The following SLIT1 variants were observed in gnomAD, a reference collection of about 807,000 sequenced individuals.
SLIT1 encodes the protein slit homolog 1 protein.
In SLIT1, 66 loss-of-function variants were observed where a neutral mutation model predicts 186.1. The ratio of observed to expected loss-of-function variants is 0.35; its 90% CI spans 0.29 to 0.44. The LOEUF (loss-of-function observed/expected upper bound fraction) is 0.44, where lower values mean the gene tolerates loss of function less well. Ranked by LOEUF, SLIT1 falls within the 20% of genes least tolerant of loss-of-function variation. The pLI, the probability that SLIT1 is intolerant of heterozygous loss-of-function variation, is 1.00. For synonymous variants in SLIT1, 761 were observed against 833.8 expected, an observed-to-expected ratio of 0.91 and a Z score of 1.50; for missense variants, 1,638 against 2,037.4, an observed-to-expected ratio of 0.80 and a Z score of 3.77.
intron 25 of SLIT1, among the ~76,000 whole-genome samples, chr10:97,023,497 T>A (rs1319604359): frequency 6.6e-6 from 1 of 152,166 alleles, no homozygotes; most frequent in Non-Finnish European, 1.5e-5. Context: ...ACACTGGCCA[T>A]CAGTACAAGG....
chr10:97,031,119 G>A (rs1475793414), intron 24 of SLIT1, among the ~76,000 whole-genome samples: 1 of 152,218 alleles, frequency 6.6e-6, no homozygotes, highest in Non-Finnish European at 1.5e-5. Flanking sequence ...ACCCTAAGGG[G>A]GGAGGCGCTT....
chr10:97,013,024 G>A (rs1302322323), intron 30 of SLIT1, among the ~76,000 whole-genome samples: 11 of 152,204 alleles, frequency 7.2e-5, no homozygotes, highest in Non-Finnish European at 7.3e-5. Flanking sequence ...TAACAACCAT[G>A]ATGAAAATAC....
chr10:97,007,808 C>G (rs889665067), intron 31 of SLIT1, among the ~76,000 whole-genome samples: 1 of 152,118 alleles, frequency 6.6e-6, no homozygotes, highest in Non-Finnish European at 1.5e-5. Flanking sequence ...ATAAAGGGCA[C>G]CTACAAAAAA....
intron 3 of SLIT1, among the ~76,000 whole-genome samples, chr10:97,159,567 A>G (rs1330827010): frequency 6.6e-6 from 1 of 152,082 alleles, no homozygotes; most frequent in Non-Finnish European, 1.5e-5. Flanking sequence ...ATTTAGGAGG[A>G]AAAAGGGATT....
In SLIT1 at chr10:97,010,844, GT is replaced by G. The variant is rs1848404024; in HGVS notation, c.3341+148del. On this transcript the variant is annotated intron_variant, in intron 31 of 36. Coordinates refer to ENST00000266058, the MANE Select transcript of SLIT1 (RefSeq NM_003061.3). This position sits in a 1 kb window ranked among gnomAD's most constrained non-coding sequence, Gnocchi z 4.8. ...TGACTTTCCCAAGGCTGCACAGCTG[GT>G]GACTGGCAGAGCCACGGTTAAAACC... The G allele has an allele frequency of 1.4e-6, 1 of 712,600 alleles. No homozygotes were observed. Among genetic ancestry groups the G allele is most frequent in the Non-Finnish European group, 2.3e-6 (1 of 431,956 alleles). 44.1% of individuals were successfully genotyped at this position (712,600 alleles called of 1,614,324 possible).
In SLIT1 at chr10:97,068,061, T is replaced by C. The variant is rs1429884123; in HGVS notation, c.414-1975A>G. Among the ~76,000 whole-genome samples, 1 of 152,246 alleles carries C rather than the reference T, an allele frequency of 6.6e-6. No homozygotes were observed. Among genetic ancestry groups the C allele is most frequent in the African/African-American group, 2.4e-5 (1 of 41,456 alleles). On this transcript the variant is annotated intron_variant, in intron 4 of 36. Coordinates refer to ENST00000266058, the MANE Select transcript of SLIT1 (RefSeq NM_003061.3). This position sits in a 1 kb window ranked among gnomAD's most constrained non-coding sequence, Gnocchi z 4.2. ...GCCTACTAGAACTGTGAGAAGGCAC[T>C]GGACCAGCTGCTGCTGCACCCCAGC...
chr10:97,091,244 T>C (rs1849227450), intron 4 of SLIT1, among the ~76,000 whole-genome samples: 1 of 152,254 alleles, frequency 6.6e-6, no homozygotes, highest in Admixed American at 6.5e-5. Context: ...ACACGCTCCA[T>C]GCACCACTCC....
At chr10:97,034,077 G>T (rs185192573) in intron 23 of SLIT1, among the ~76,000 whole-genome samples, 15 of 152,140 alleles carry the variant, frequency 9.9e-5, no homozygotes, top group African/African-American at 2.9e-4. Flanking sequence ...GTTGGTCAGG[G>T]TGGTCTTGAA....
At chr10:97,003,650 A>G (rs1172954163) in intron 34 of SLIT1, among the ~76,000 whole-genome samples, 1 of 152,122 alleles carries the variant, frequency 6.6e-6, no homozygotes, top group Non-Finnish European at 1.5e-5. Context: ...CAAAGCCTCT[A>G]AGGCCAGCCG....
At chr10:97,089,270 AGG>A (rs1849202634) in intron 4 of SLIT1, among the ~76,000 whole-genome samples, 2 of 152,258 alleles carry the variant, frequency 1.3e-5, no homozygotes, top group South Asian at 4.1e-4. Flanking sequence ...AGGAAGACAC[AGG>A]GAGAGGCCAA....
rs181769832 is a variant in SLIT1 at position 97,015,453 on chromosome 10, T to C, written c.2970-1295A>G. Among the ~76,000 whole-genome samples the C allele has an allele frequency of 7.2e-5, 11 of 152,306 alleles. No homozygotes were observed. In the East Asian group the frequency reaches 2.1e-3, roughly 29 times the overall value. On this transcript the variant is annotated intron_variant, in intron 28 of 36. Transcript: ENST00000266058. ...ATTTGGCATAAAAACTGGGAGGGCT[T>C]TCAAAGAATTAAGTGACATGGCTAT...
rs1311695550 is a variant in SLIT1 at position 96,999,689 on chromosome 10, G to GGGCA, written c.*1419_*1422dup. ...CTGTGTATGGAAGAGAAGACAACGT[G>GGGCA]GGCAGGCAATCGTATATTCAGGGCC... On this transcript the variant is annotated 3_prime_UTR_variant, in exon 37 of 37. Coordinates refer to ENST00000266058, the MANE Select transcript of SLIT1 (RefSeq NM_003061.3). 2.0e-5 allele frequency: 3 copies of GGGCA among 152,274 alleles called. No homozygotes were observed. The highest frequency in any genetic ancestry group is 7.2e-5 in the African/African-American group (3 of 41,454). 9.4% of individuals were successfully genotyped at this position (152,274 alleles called of 1,614,324 possible). A position where few individuals can be genotyped will look rare whatever the true frequency, so the allele number is the denominator to read the frequency against.
intron 4 of SLIT1, among the ~76,000 whole-genome samples, chr10:97,144,745 C>T (rs1367122749): frequency 6.6e-6 from 1 of 152,222 alleles, no homozygotes; most frequent in Non-Finnish European, 1.5e-5. Context: ...CTTGTGAGAA[C>T]TTCTAGGACA....
chr10:97,119,018 G>A (rs955175441), intron 4 of SLIT1, among the ~76,000 whole-genome samples: 1 of 152,218 alleles, frequency 6.6e-6, no homozygotes, highest in Non-Finnish European at 1.5e-5. Flanking sequence ...CCCGAAGCTG[G>A]AAGTTTCCAC....
At chr10:97,082,988 C>T (rs1849120797) in intron 4 of SLIT1, among the ~76,000 whole-genome samples, 1 of 152,226 alleles carries the variant, frequency 6.6e-6, no homozygotes, top group African/African-American at 2.4e-5. Context: ...TTGTAGCTCA[C>T]TGCAGCCTGG....
At chr10:97,056,877 T>C (rs1848841769) in intron 12 of SLIT1, among the ~76,000 whole-genome samples, 1 of 152,186 alleles carries the variant, frequency 6.6e-6, no homozygotes, top group Admixed American at 6.5e-5. Context: ...TGAAAGTTCA[T>C]GGTTCAAGGA....
intron 21 of SLIT1, among the ~76,000 whole-genome samples, chr10:97,038,265 C>G (rs370134899): frequency 3.3e-5 from 5 of 152,166 alleles, no homozygotes; most frequent in African/African-American, 1.2e-4. Flanking sequence ...GGCTCCGCAC[C>G]CTGATGTCGC....
intron 4 of SLIT1, among the ~76,000 whole-genome samples, chr10:97,139,039 C>A (rs546960229): frequency 6.6e-6 from 1 of 152,350 alleles, no homozygotes; most frequent in South Asian, 2.1e-4. Context: ...TGACTGCAGG[C>A]AGCAGGCTTG....
intron 1 of SLIT1, among the ~76,000 whole-genome samples, chr10:97,181,646 A>G (rs1303871779): frequency 1.3e-5 from 2 of 152,136 alleles, no homozygotes. Context: ...GAAGCTTGAG[A>G]CCAGCCTGGG....
Sources: gnomAD v4.1 joint callset for allele counts (sites outside exome capture counted in the v4.1 genomes callset) on GRCh38, gnomAD v4.1.1 for gene constraint, Gnocchi (gnomAD v3.1) non-coding constraint, MANE v1.5 for transcripts, NCBI Gene and HGNC (gene_info 2026-07-23, HGNC 2026-07-21) for gene names.